Variants in FIRRM observed in about 807,000 individuals in gnomAD.
The protein encoded by FIRRM is FIGNL1 interacting regulator of recombination and mitosis, also known as FIGNL1-interacting regulator of recombination and mitosis.
the FIRRM span, chr1:169,806,164 T>C: frequency 1.2e-6 from 1 of 820,560 alleles, no homozygotes; most frequent in Non-Finnish European, 1.9e-6. Context: ...CATGATTCTT[T>C]AGATTGCATT....
At chr1:169,838,194 C>G in the FIRRM span, among the ~76,000 whole-genome samples, 1 of 152,102 alleles carries the variant, frequency 6.6e-6, no homozygotes, top group African/African-American at 2.4e-5. Context: ...CCTCCTTGGC[C>G]TCCCAAAGTG....
At chr1:169,853,709 A>T in the FIRRM span, 1 of 1,613,390 alleles carries the variant, frequency 6.2e-7, no homozygotes, top group Non-Finnish European at 8.5e-7. Flanking sequence ...ACTCACATCT[A>T]TTGTCACCAG....
At chr1:169,835,896 C>T in the FIRRM span, among the ~76,000 whole-genome samples, 4 of 152,146 alleles carry the variant, frequency 2.6e-5, no homozygotes, top group South Asian at 2.1e-4. Flanking sequence ...AATAGACACT[C>T]GCTCATCAAG....
the FIRRM span, among the ~76,000 whole-genome samples, chr1:169,846,413 T>C: frequency 6.6e-6 from 1 of 152,182 alleles, no homozygotes; most frequent in African/African-American, 2.4e-5. Context: ...AGCCAGGCAT[T>C]GACTTCACCC....
the FIRRM span, among the ~76,000 whole-genome samples, chr1:169,823,044 G>C: frequency 6.6e-6 from 1 of 151,636 alleles, no homozygotes; most frequent in East Asian, 2.0e-4. Flanking sequence ...CTGAGGTCAG[G>C]AGTTCAAGAC....
At chr1:169,844,237 G>A in the FIRRM span, among the ~76,000 whole-genome samples, 1 of 152,236 alleles carries the variant, frequency 6.6e-6, no homozygotes, top group Admixed American at 6.5e-5. Context: ...CAACTTACAT[G>A]GCTAGGACAG....
At chr1:169,807,195 G>A in the FIRRM span, among the ~76,000 whole-genome samples, 1 of 152,128 alleles carries the variant, frequency 6.6e-6, no homozygotes, top group African/African-American at 2.4e-5. Flanking sequence ...TCCTGTCCCA[G>A]AGTCTTTTCG....
At chr1:169,842,391 A>G in the FIRRM span, 3 of 1,604,546 alleles carry the variant, frequency 1.9e-6, no homozygotes, top group Non-Finnish European at 2.6e-6. Context: ...TTTAAACTCA[A>G]GTCCTTTCCT....
chr1:169,831,897 C>T, the FIRRM span, among the ~76,000 whole-genome samples: 1 of 152,186 alleles, frequency 6.6e-6, no homozygotes, highest in Non-Finnish European at 1.5e-5. Context: ...GCTGGGACTA[C>T]AGGCATGCGC....
chr1:169,840,543 C>T, the FIRRM span, among the ~76,000 whole-genome samples: 1,461 of 150,752 alleles, frequency 9.7e-3, 23 homozygotes, highest in African/African-American at 0.033. Flanking sequence ...CGGAGTCTCG[C>T]ACTGTCGCTC....
chr1:169,792,716 T>C, the FIRRM span: 1 of 1,613,934 alleles, frequency 6.2e-7, no homozygotes, highest in East Asian at 2.2e-5. Context: ...TACACCAAAA[T>C]AATGTGCTTT....
At chr1:169,822,224 A>T in the FIRRM span, among the ~76,000 whole-genome samples, 1 of 152,208 alleles carries the variant, frequency 6.6e-6, no homozygotes, top group Non-Finnish European at 1.5e-5. Flanking sequence ...TGTAAGAAGC[A>T]GCCAACTACT....
the FIRRM span, among the ~76,000 whole-genome samples, chr1:169,817,012 A>C: frequency 9.2e-5 from 14 of 152,222 alleles, no homozygotes; most frequent in African/African-American, 3.1e-4. Context: ...ACAGTGATAT[A>C]CTTTACTCAA....
At chr1:169,795,963 C>T in the FIRRM span, 1 of 985,438 alleles carries the variant, frequency 1.0e-6, no homozygotes, top group Non-Finnish European at 1.2e-6. Context: ...GTAAATGTGC[C>T]TGGAATCCTA....
the FIRRM span, chr1:169,832,509 A>G: frequency 6.2e-7 from 1 of 1,604,950 alleles, no homozygotes; most frequent in Non-Finnish European, 8.5e-7. Context: ...CCCATCAGGC[A>G]AGGAAGGATA....
chr1:169,839,218 G>C, the FIRRM span, among the ~76,000 whole-genome samples: 1 of 152,124 alleles, frequency 6.6e-6, no homozygotes, highest in South Asian at 2.1e-4. Flanking sequence ...TGTGAGTAGT[G>C]CTGCAATGAA....
At chr1:169,811,500 A>C in the FIRRM span, among the ~76,000 whole-genome samples, 1 of 152,036 alleles carries the variant, frequency 6.6e-6, no homozygotes, top group East Asian at 1.9e-4. Flanking sequence ...ACAAAAAATA[A>C]AAAAATTCTC....
the FIRRM span, among the ~76,000 whole-genome samples, chr1:169,833,033 T>A: frequency 4.6e-3 from 700 of 152,328 alleles, 1 homozygote; most frequent in Admixed American, 7.8e-3. Context: ...TTATTCTAAT[T>A]CTGTCTTCCT....
At chr1:169,793,034 A>G in the FIRRM span, 25 of 1,614,046 alleles carry the variant, frequency 1.5e-5, no homozygotes, top group Non-Finnish European at 1.9e-5. Flanking sequence ...ATCAATCACC[A>G]TACTGTTATA....
Sources: gnomAD v4.1 joint callset for allele counts (sites outside exome capture counted in the v4.1 genomes callset) on GRCh38, gnomAD v4.1.1 for gene constraint, MANE v1.5 for transcripts, NCBI Gene and HGNC (gene_info 2026-07-23, HGNC 2026-07-21) for gene names.